Variants in NAB2 observed in about 807,000 individuals in gnomAD.
NAB2 encodes the protein NGFI-A binding protein 2.
In NAB2, 9 loss-of-function variants were observed where a neutral mutation model predicts 44.2. The ratio of observed to expected loss-of-function variants is 0.20; its 90% CI spans 0.12 to 0.36. NAB2 has a LOEUF of 0.36. NAB2 is among the 10% of genes least tolerant of loss of function. The pLI, the probability that NAB2 is intolerant of heterozygous loss-of-function variation, is 1.00. For synonymous variants in NAB2, 342 were observed against 291.0 expected (o/e 1.18, Z -1.78); for missense variants, 514 against 709.0 (o/e 0.73, Z 3.12).
intron 1 of NAB2, among the ~76,000 whole-genome samples, chr12:57,089,748 CT>C (rs1257395184): frequency 6.6e-6 from 1 of 151,580 alleles, no homozygotes; most frequent in African/African-American, 2.4e-5. Flanking sequence ...CCCCCGGTGC[CT>C]TTGAGTTAAA....
chr12:57,093,054 C>T lies in NAB2; in HGVS notation c.1144-9C>T. On this transcript the variant is annotated splice_polypyrimidine_tract_variant and intron_variant, in intron 4 of 6. Coordinates refer to ENST00000300131, the MANE Select transcript of NAB2 (RefSeq NM_005967.4). ...CAGGTCTTCATTTCCCCATGTTGGG[C>T]ATCCACAGGTTGGAGAACAGAGTCA... 1 of 1,613,700 alleles carries T rather than the reference C, an allele frequency of 6.2e-7. No homozygotes were observed. The highest frequency in any genetic ancestry group is 8.5e-7 in the Non-Finnish European group (1 of 1,179,736).
chr12:57,090,289 G>C (rs1033828711), intron 1 of NAB2, among the ~76,000 whole-genome samples: 5 of 152,134 alleles, frequency 3.3e-5, no homozygotes, highest in African/African-American at 1.2e-4. Context: ...TTCGAGCCCA[G>C]CCTGACCAAC....
chr12:57,089,849 G>T (rs1047311214), intron 1 of NAB2, among the ~76,000 whole-genome samples: 12 of 152,200 alleles, frequency 7.9e-5, no homozygotes, highest in Admixed American at 1.3e-4. Flanking sequence ...TTCACAGAGC[G>T]GGGAGGGGAG....
In NAB2 at chr12:57,094,706, G is replaced by A; in HGVS notation, c.1563G>A (p.Glu521=). ...GGAGCAGCGTGAAAGTGGAGGCTGA[G>A]GCCAGCCGGCAGTGAGGGTTGGACT... ...GRRSSVKVEA[E]ASRQ The change falls in exon 7 of 7, where the codon GAG becomes GAA. Residue 521 remains glutamate, a synonymous_variant. Transcript: ENST00000300131. 6.4e-7 allele frequency: 1 copy of A among 1,552,652 alleles called. No individual in the cohort carries two copies. Among genetic ancestry groups the A allele is most frequent in the Non-Finnish European group, 8.7e-7 (1 of 1,147,994 alleles).
intron 6 of NAB2, among the ~76,000 whole-genome samples, chr12:57,094,211 A>T (rs970026485): frequency 4.9e-5 from 7 of 144,264 alleles, no homozygotes; most frequent in African/African-American, 1.5e-4. Flanking sequence ...TTGGCTACCA[A>T]AAAACTTGGG....
At chr12:57,090,568 G>T (rs1234358911) in intron 1 of NAB2, among the ~76,000 whole-genome samples, 1 of 152,256 alleles carries the variant, frequency 6.6e-6, no homozygotes, top group Non-Finnish European at 1.5e-5. Context: ...CTCACTGAGT[G>T]GGAAAGCCAG....
intron 1 of NAB2, 131 bp downstream of exon 1, chr12:57,089,485 A>C: frequency 1.3e-6 from 1 of 752,018 alleles, no homozygotes; most frequent in Non-Finnish European, 2.1e-6. Context: ...AGACTGATGG[A>C]AAAGGGGGTG....
chr12:57,092,856 G>A, intron 3 of NAB2, 61 bp from the exon 4 acceptor site: 1 of 1,589,334 alleles, frequency 6.3e-7, no homozygotes, highest in South Asian at 1.1e-5. Context: ...TGGGTTCTGT[G>A]CTCTGCCAGT....
At chr12:57,092,864 A>G (rs324019) in intron 3 of NAB2, 53 bp from the exon 4 acceptor site, 964,189 of 1,599,944 alleles carry the variant, frequency 0.6, 293,554 homozygotes, top group African/African-American at 0.7. Flanking sequence ...GTGCTCTGCC[A>G]GTCGAGTGGC....
In NAB2 at chr12:57,094,818, C is replaced by T. The variant is rs1021782325; in HGVS notation, c.*97C>T. ...CCGGAATCTAGTCACAACCCTGGAT[C>T]CTTCCTCTGCCCTTCTCCTGCCTCC... On this transcript the variant is annotated 3_prime_UTR_variant, in exon 7 of 7. Transcript: ENST00000300131. 2.0e-6 allele frequency: 2 copies of T among 1,000,154 alleles called. No individual in the cohort carries two copies. Among genetic ancestry groups the T allele is most frequent in the Non-Finnish European group, 2.9e-6 (2 of 684,178 alleles). 62.0% of individuals were successfully genotyped at this position (1,000,154 alleles called of 1,614,324 possible). A position where few individuals can be genotyped will look rare whatever the true frequency, so the allele number is the denominator to read the frequency against.
chr12:57,094,951 G>C lies in NAB2; in HGVS notation c.*230G>C, dbSNP rs2033312919. On this transcript the variant is annotated 3_prime_UTR_variant, in exon 7 of 7. Coordinates refer to ENST00000300131, the MANE Select transcript of NAB2 (RefSeq NM_005967.4). Reference sequence around the variant, plus strand: ...TGGTGCCCTCACCCCTGCCCAGAGCGAGGGGGCAAGGACTCTGCCTCCAGG... The same window carrying C: ...TGGTGCCCTCACCCCTGCCCAGAGCCAGGGGGCAAGGACTCTGCCTCCAGG... The C allele has an allele frequency of 1.8e-6, 1 of 549,798 alleles. No individual in the cohort carries two copies. Among genetic ancestry groups the C allele is most frequent in the Admixed American group, 3.4e-5 (1 of 29,434 alleles). The allele number at this position is 549,798 out of a possible 1,614,324, so 34.1% of individuals were successfully genotyped here. A position where few individuals can be genotyped will look rare whatever the true frequency, so the allele number is the denominator to read the frequency against.
chr12:57,092,071 A>G (rs1307014116), intron 2 of NAB2, 73 bp downstream of exon 2: 47 of 1,523,134 alleles, frequency 3.1e-5, no homozygotes, highest in Non-Finnish European at 3.9e-5. Flanking sequence ...GCGAGTTTCT[A>G]CAGTCTCCGA....
chr12:57,090,411 G>A (rs2033160745), intron 1 of NAB2, among the ~76,000 whole-genome samples: 1 of 152,204 alleles, frequency 6.6e-6, no homozygotes, highest in South Asian at 2.1e-4. Flanking sequence ...TTGAACCCGG[G>A]AGGCGGAGGT....
At chr12:57,089,681 C>T (rs2136541108) in intron 1 of NAB2, among the ~76,000 whole-genome samples, 1 of 150,350 alleles carries the variant, frequency 6.7e-6, no homozygotes, top group East Asian at 2.0e-4. Context: ...GGCATCAGTG[C>T]GGAAGGTGGG....
At chr12:57,093,728 CT>C in intron 6 of NAB2, 130 bp downstream of exon 6, 12 of 1,005,828 alleles carry the variant, frequency 1.2e-5, no homozygotes, top group Non-Finnish European at 1.5e-5. Context: ...GATGGCTGGG[CT>C]CCAGCCAGCC....
Position 57,093,185 on chromosome 12 carries a change from A to G in NAB2, c.1266A>G (p.Gly422=). 6.2e-7 allele frequency: 1 copy of G among 1,606,956 alleles called. No homozygotes were observed. Among genetic ancestry groups the G allele is most frequent in the Non-Finnish European group, 8.5e-7 (1 of 1,178,202 alleles). ...GCCTGTCTGGGGAGAGTCTGGATGGACATTTGCAGGGTGAGTGTGCCTCAG... is the reference window on the plus strand; with the variant it reads ...GCCTGTCTGGGGAGAGTCTGGATGGGCATTTGCAGGGTGAGTGTGCCTCAG... The part of the protein sequence containing the change: ...SASLSGESLD[G]HLQAVGSCPR... Residue 422 remains glycine (G), a synonymous_variant, in exon 5 of 7, where the codon GGA becomes GGG. Coordinates refer to ENST00000300131, the MANE Select transcript of NAB2 (RefSeq NM_005967.4).
At chr12:57,092,695 C>A in intron 3 of NAB2, 114 bp downstream of exon 3, 1 of 1,430,058 alleles carries the variant, frequency 7.0e-7, no homozygotes, top group Non-Finnish European at 9.5e-7. Flanking sequence ...CCTGGATGTC[C>A]TGCTTTTGGC....
chr12:57,092,794 T>A (rs973290354), intron 3 of NAB2, 123 bp from the exon 4 acceptor site: 4 of 1,402,750 alleles, frequency 2.9e-6, no homozygotes, highest in African/African-American at 2.8e-5. Context: ...AACTAGAGAC[T>A]CTTTCTCGGC....
At chr12:57,090,210 GC>G (rs2033156611) in intron 1 of NAB2, among the ~76,000 whole-genome samples, 1 of 152,190 alleles carries the variant, frequency 6.6e-6, no homozygotes, top group South Asian at 2.1e-4. Flanking sequence ...GGCCGGGCGG[GC>G]CCGGTGGCTC....
Sources: allele counts gnomAD v4.1 joint callset (sites outside exome capture counted in the v4.1 genomes callset), GRCh38; gene constraint gnomAD v4.1.1; transcripts MANE v1.5; gene names NCBI Gene and HGNC (gene_info 2026-07-23, HGNC 2026-07-21).